Variants in NAV2 observed in about 807,000 individuals in gnomAD.
NAV2 encodes the protein neuron navigator 2.
NAV2 carries 54 observed loss-of-function variants against 223.2 expected under a neutral mutation model. The ratio of observed to expected loss-of-function variants is 0.24; its 90% confidence interval spans 0.19 to 0.30. NAV2 has a LOEUF of 0.30. Ranked by LOEUF, NAV2 falls within the 10% of genes least tolerant of loss-of-function variation. NAV2 has a pLI of 1.00. For missense variants in NAV2, 2,806 were observed against 3,147.5 expected (o/e 0.89, Z 2.60); for synonymous variants, 1,279 against 1,239.3 (o/e 1.03, Z -0.67).
chr11:19,539,045 G>A (rs933131828), intron 1 of NAV2, among the ~76,000 whole-genome samples: 5 of 152,172 alleles, frequency 3.3e-5, no homozygotes, highest in African/African-American at 1.2e-4. Flanking sequence ...AAAATGTAAT[G>A]CAAGAGCCCT....
At chr11:19,676,945 G>C (rs983848406) in intron 1 of NAV2, among the ~76,000 whole-genome samples, 2 of 152,212 alleles carry the variant, frequency 1.3e-5, no homozygotes, top group African/African-American at 4.8e-5. Flanking sequence ...ACAGTCACAA[G>C]AGTACCATGT....
intron 10 of NAV2, among the ~76,000 whole-genome samples, chr11:19,965,808 C>T (rs139074991): frequency 6.6e-6 from 1 of 152,354 alleles, no homozygotes; most frequent in African/African-American, 2.4e-5. Flanking sequence ...GGAATTGGGA[C>T]AAGATATAGC....
intron 1 of NAV2, among the ~76,000 whole-genome samples, chr11:19,729,505 G>C (rs1194154383): frequency 6.6e-6 from 1 of 152,188 alleles, no homozygotes; most frequent in East Asian, 1.9e-4. Context: ...TCTCTTTAAG[G>C]CCCAAGATGG....
At chr11:19,437,510 T>A (rs2133660178) in intron 1 of NAV2, among the ~76,000 whole-genome samples, 1 of 152,280 alleles carries the variant, frequency 6.6e-6, no homozygotes, top group East Asian at 1.9e-4. Flanking sequence ...CTTTGCACCA[T>A]TATTTTCCAG....
intron 1 of NAV2, among the ~76,000 whole-genome samples, chr11:19,800,449 C>T (rs1193385950): frequency 3.3e-5 from 5 of 152,196 alleles, no homozygotes; most frequent in Non-Finnish European, 5.9e-5. Flanking sequence ...ACTTCATTCT[C>T]TTCAACATAT....
Position 20,118,792 on chromosome 11 carries a change from G to A in NAV2, c.*534G>A, listed in dbSNP as rs2063328779. 1 of 164,042 alleles carries A rather than the reference G, an allele frequency of 6.1e-6. No individual in the cohort carries two copies. Among genetic ancestry groups the A allele is most frequent in the Non-Finnish European group, 1.3e-5 (1 of 76,478 alleles). 10.2% of individuals were successfully genotyped at this position (164,042 alleles called of 1,614,324 possible). ...CACAGGGAGAACTGGTGCTAACCAG[G>A]GTGCTTGCTTTGGTCACGTTCAACG... On this transcript the variant is annotated 3_prime_UTR_variant, in exon 38 of 38. Coordinates refer to ENST00000349880, the MANE Select transcript of NAV2 (RefSeq NM_145117.5).
chr11:20,023,703 T>G (rs866238023), intron 11 of NAV2, among the ~76,000 whole-genome samples: 1 of 122,196 alleles, frequency 8.2e-6, no homozygotes, highest in African/African-American at 2.7e-5. Context: ...TTGCTGGGTG[T>G]GTGTGTGTGT....
chr11:20,043,956 T>C (rs1464972751), intron 12 of NAV2, 25 bp from the exon 13 acceptor site: 13 of 1,601,686 alleles, frequency 8.1e-6, no homozygotes, highest in Non-Finnish European at 1.0e-5. Context: ...GGGGAAGGAC[T>C]AATTCAGAGA....
chr11:19,937,548 C>T (rs1029772403), intron 7 of NAV2, among the ~76,000 whole-genome samples: 10 of 152,092 alleles, frequency 6.6e-5, no homozygotes, highest in African/African-American at 2.4e-4. Flanking sequence ...TTTATAGAAC[C>T]AGAGGAGATT....
chr11:19,493,256 C>A (rs953563954), intron 1 of NAV2, among the ~76,000 whole-genome samples: 1 of 151,490 alleles, frequency 6.6e-6, no homozygotes, highest in African/African-American at 2.4e-5. Flanking sequence ...TTAAAGGTAT[C>A]TGCACCACTA....
rs59610377 is a variant in NAV2, at chr11:19,666,519, G to A, written c.76-165965G>A. On this transcript the variant is annotated intron_variant, in intron 1 of 37. Coordinates refer to the NAV2 transcript ENST00000360655. ...GTGGCCTCAAGTGTGGGTGGCCTGA[G>A]CTCTGGATGTTTGCTTCTCCCCTGT... Among the ~76,000 whole-genome samples the A allele has an allele frequency of 8.4e-4, 128 of 152,268 alleles. 2 individuals are homozygous for A. In the East Asian group the frequency reaches 0.023, roughly 28 times the overall value.
intron 1 of NAV2, among the ~76,000 whole-genome samples, chr11:19,434,933 T>C (rs1487757466): frequency 6.7e-6 from 1 of 148,418 alleles, no homozygotes; most frequent in Non-Finnish European, 1.5e-5. Context: ...CTTCTCACAC[T>C]GATATCCAGT....
intron 1 of NAV2, among the ~76,000 whole-genome samples, chr11:19,728,932 CAA>C (rs1213871515): frequency 6.6e-6 from 1 of 152,136 alleles, no homozygotes; most frequent in Non-Finnish European, 1.5e-5. Flanking sequence ...TCCTATGGGG[CAA>C]GAGAGAGATG....
chr11:19,419,543 C>T (rs1454906665), intron 1 of NAV2, among the ~76,000 whole-genome samples: 2 of 152,136 alleles, frequency 1.3e-5, no homozygotes, highest in Non-Finnish European at 2.9e-5. Flanking sequence ...CTTCGAGACC[C>T]GCTTCTCAGT....
chr11:20,083,125 A>G lies in NAV2; in HGVS notation c.5444A>G (p.His1815Arg), dbSNP rs2060192950. 1.2e-6 allele frequency: 2 copies of G among 1,614,112 alleles called. No individual in the cohort carries two copies. Among genetic ancestry groups the G allele is most frequent in the South Asian group, 2.2e-5 (2 of 91,078 alleles). Residue 1815 changes from histidine (H) to arginine (R), a missense_variant, in exon 26 of 38, where the codon CAC becomes CGC. Physicochemically the swap from His to Arg is conservative, Grantham distance 29 (BLOSUM62 0). Transcript: ENST00000349880. ...TTGCCTTCCTCACCAAAGTTACCGC[A>G]CAATGGGTCCACAGGTTCCACCCCA... ...SSLPSSPKLP[H>R]NGSTGSTPLL...
At chr11:19,977,434 C>A (rs1308545338) in intron 10 of NAV2, among the ~76,000 whole-genome samples, 1 of 152,222 alleles carries the variant, frequency 6.6e-6, no homozygotes, top group Non-Finnish European at 1.5e-5. Context: ...AGAGGCAATA[C>A]TGTGTTCTTC....
At chr11:19,513,434 C>T (rs1479666610) in intron 1 of NAV2, among the ~76,000 whole-genome samples, 1 of 152,152 alleles carries the variant, frequency 6.6e-6, no homozygotes, top group Non-Finnish European at 1.5e-5. Context: ...GGCTGCCACA[C>T]TCCTTTCATT....
At chr11:19,516,746 G>A (rs1391402284) in intron 1 of NAV2, among the ~76,000 whole-genome samples, 1 of 152,218 alleles carries the variant, frequency 6.6e-6, no homozygotes, top group Non-Finnish European at 1.5e-5. Context: ...TTCCTGCTGG[G>A]CTGGTGTTTC....
At chr11:19,362,111 C>T (rs566861539) in intron 1 of NAV2, among the ~76,000 whole-genome samples, 26 of 152,280 alleles carry the variant, frequency 1.7e-4, no homozygotes, top group African/African-American at 5.3e-4. Flanking sequence ...TACACTGTCA[C>T]TTTAACTTCA....
Sources: allele counts gnomAD v4.1 joint callset (sites outside exome capture counted in the v4.1 genomes callset), GRCh38; gene constraint gnomAD v4.1.1; transcripts MANE v1.5; gene names NCBI Gene and HGNC (gene_info 2026-07-23, HGNC 2026-07-21).